Variants in CDH11 observed in about 807,000 individuals in gnomAD.
CDH11 encodes cadherin-11.
In CDH11, 11 loss-of-function variants were observed where a neutral mutation model predicts 67.8. The observed-to-expected ratio is 0.16, with a 90% confidence interval of 0.10 to 0.27. The LOEUF (loss-of-function observed/expected upper bound fraction) is 0.27, where lower values mean the gene tolerates loss of function less well. Ranked by LOEUF, CDH11 falls within the 10% of genes least tolerant of loss-of-function variation. The probability of loss-of-function intolerance (pLI) is 1.00; values close to 1 mark genes in which losing one functional copy is unlikely to be tolerated. For synonymous variants in CDH11, 419 were observed against 400.0 expected (o/e 1.05, Z -0.57); for missense variants, 847 against 1,031.2 (o/e 0.82, Z 2.45).
chr16:65,109,568 T>G (rs2142877960), intron 1 of CDH11, among the ~76,000 whole-genome samples: 1 of 152,310 alleles, frequency 6.6e-6, no homozygotes, highest in Admixed American at 6.5e-5. Context: ...AGATGCGACT[T>G]GAGGCCACTT....
rs1039791967 is a variant in CDH11, at chr16:65,025,652, A to G, written c.-172-20611T>C. Among the ~76,000 whole-genome samples the G allele has an allele frequency of 3.3e-5, 5 of 152,304 alleles. No individual in the cohort carries two copies. The East Asian group carries it at 9.7e-4, about 29-fold the overall frequency. On this transcript the variant is annotated intron_variant, in intron 2 of 12. Transcript: ENST00000268603. ...TACCACACCTGGCTGGGTGATTTTT[A>G]AAGTTCTGGCTTTTAACCTTTAGAA...
chr16:65,034,163 C>T (rs1020532311), intron 2 of CDH11, among the ~76,000 whole-genome samples: 1 of 152,034 alleles, frequency 6.6e-6, no homozygotes, highest in Non-Finnish European at 1.5e-5. Context: ...CTGATATCTA[C>T]AAAAAGAGGA....
chr16:65,039,204 C>T (rs776928117), intron 2 of CDH11, among the ~76,000 whole-genome samples: 11 of 152,168 alleles, frequency 7.2e-5, no homozygotes, highest in Admixed American at 1.3e-4. Flanking sequence ...TCTGCCTCAT[C>T]GATGTGTCTA....
Position 64,950,747 on chromosome 16 carries a change from G to T in CDH11, c.1894+20C>A, listed in dbSNP as rs752547668. On this transcript the variant is annotated intron_variant, in intron 12 of 12. Transcript: ENST00000268603. ...CCGGTTGCCTGGCCCTTCCTGCAGG[G>T]GACCAGGAAGCGCCCTTACCCAGGA... 2.5e-6 allele frequency: 4 copies of T among 1,609,056 alleles called. No individual in the cohort carries two copies. Among genetic ancestry groups the T allele is most frequent in the Non-Finnish European group, 3.4e-6 (4 of 1,176,180 alleles).
chr16:64,994,117 T>C (rs1029098708), intron 4 of CDH11, among the ~76,000 whole-genome samples: 1 of 152,234 alleles, frequency 6.6e-6, no homozygotes, highest in Non-Finnish European at 1.5e-5. Context: ...AGCCTATCAC[T>C]ACCTTTAATT....
At chr16:65,005,584 T>A (rs1162715934) in intron 2 of CDH11, among the ~76,000 whole-genome samples, 1 of 152,156 alleles carries the variant, frequency 6.6e-6, no homozygotes, top group African/African-American at 2.4e-5. Context: ...AGGCAATGGA[T>A]CCTGTTAGGG....
chr16:65,119,613 C>A (rs1245521000), intron 1 of CDH11, among the ~76,000 whole-genome samples: 1 of 152,128 alleles, frequency 6.6e-6, no homozygotes, highest in African/African-American at 2.4e-5. Flanking sequence ...CCAGATTATC[C>A]AGTCTCAATC....
chr16:65,016,195 T>G (rs2142563007), intron 2 of CDH11, among the ~76,000 whole-genome samples: 1 of 152,344 alleles, frequency 6.6e-6, no homozygotes, highest in South Asian at 2.1e-4. Context: ...CCCACCCCTC[T>G]TCATTTTAAG....
chr16:64,971,406 C>T (rs1019357613), intron 11 of CDH11, among the ~76,000 whole-genome samples, 173 bp downstream of exon 11: 1 of 152,168 alleles, frequency 6.6e-6, no homozygotes, highest in African/African-American at 2.4e-5. Flanking sequence ...CTCACTTATT[C>T]GCATGCATCA....
intron 2 of CDH11, among the ~76,000 whole-genome samples, chr16:65,024,085 C>T (rs2073484793): frequency 6.6e-6 from 1 of 152,204 alleles, no homozygotes; most frequent in African/African-American, 2.4e-5. Context: ...GCTGCTCTTT[C>T]CTCTCTCAGG....
In CDH11 at chr16:64,948,766, G is replaced by T. The variant is rs778622581; in HGVS notation, c.1895-667C>A. ...TCTCATGTCTTCCCTGGGAGAGGGG[G>T]GTTCCATTAAGCTTGGGCAACCTAG... On this transcript the variant is annotated intron_variant, in intron 12 of 12. Transcript: ENST00000268603. 5 of 1,600,304 alleles carry T rather than the reference G, an allele frequency of 3.1e-6. No homozygotes were observed. In the East Asian group the frequency reaches 6.7e-5, roughly 22 times the overall value.
intron 1 of CDH11, among the ~76,000 whole-genome samples, chr16:65,084,815 T>C (rs2142811916): frequency 6.6e-6 from 1 of 152,360 alleles, no homozygotes; most frequent in East Asian, 1.9e-4. Flanking sequence ...AGGAGTTAAT[T>C]AGCTTCTAGC....
At chr16:65,011,067 T>C (rs1215679853) in intron 2 of CDH11, among the ~76,000 whole-genome samples, 1 of 123,454 alleles carries the variant, frequency 8.1e-6, no homozygotes. Flanking sequence ...ATATCATGTG[T>C]ATATATGTAT....
intron 2 of CDH11, among the ~76,000 whole-genome samples, chr16:65,039,606 C>T (rs535148060): frequency 2.6e-5 from 4 of 152,088 alleles, no homozygotes; most frequent in South Asian, 4.2e-4. Flanking sequence ...CCATAAAAAC[C>T]CTAGAAGAAA....
rs1444033685 is a variant in CDH11 at position 65,017,930 on chromosome 16, T to G, written c.-172-12889A>C. Among the ~76,000 whole-genome samples, 3 of 152,312 alleles carry G rather than the reference T, an allele frequency of 2.0e-5. No homozygotes were observed. In the South Asian group the frequency reaches 6.2e-4, roughly 32 times the overall value. On this transcript the variant is annotated intron_variant, in intron 2 of 12. Transcript: ENST00000268603. ...CCCCATTTTTATTAAAAACAAATCA[T>G]GGTAGAACTGATTTGCTTGCAAAAT... is the stretch of plus-strand genomic sequence containing the variant.
At chr16:65,068,349 G>T (rs2074354983) in intron 1 of CDH11, among the ~76,000 whole-genome samples, 1 of 141,176 alleles carries the variant, frequency 7.1e-6, no homozygotes, top group Admixed American at 7.5e-5. Flanking sequence ...GTAATCACAG[G>T]GTTCCAGAGG....
chr16:65,074,057 C>T (rs2074465593), intron 1 of CDH11, among the ~76,000 whole-genome samples: 2 of 152,242 alleles, frequency 1.3e-5, no homozygotes, highest in South Asian at 2.1e-4. Flanking sequence ...AGGCGGGGAA[C>T]ATTTGTTGTT....
chr16:65,008,771 C>T (rs1001334253), intron 2 of CDH11, among the ~76,000 whole-genome samples: 8 of 152,012 alleles, frequency 5.3e-5, no homozygotes, highest in African/African-American at 9.7e-5. Flanking sequence ...ATTATACGGA[C>T]GTTGTGATAA....
intron 1 of CDH11, among the ~76,000 whole-genome samples, chr16:65,101,006 T>G (rs970349786): frequency 9.2e-5 from 14 of 152,222 alleles, no homozygotes; most frequent in Admixed American, 2.0e-4. Context: ...TTTTCTAATA[T>G]TGTCAAAGGT....
Sources: allele counts gnomAD v4.1 joint callset (sites outside exome capture counted in the v4.1 genomes callset), GRCh38; gene constraint gnomAD v4.1.1; transcripts MANE v1.5; gene names NCBI Gene and HGNC (gene_info 2026-07-23, HGNC 2026-07-21).